Variants in WWOX observed in about 807,000 individuals in gnomAD.
WWOX encodes the protein WW domain containing oxidoreductase.
A neutral mutation model predicts 46.2 loss-of-function variants in WWOX; 69 were observed. The observed-to-expected ratio is 1.49, with a 90% CI of 1.23 to 1.82. WWOX has a LOEUF of 1.82. Ranked by LOEUF, WWOX falls within the 40% of genes most tolerant of loss-of-function variation. The pLI, the probability that WWOX is intolerant of heterozygous loss-of-function variation, is 0.00. For missense variants in WWOX, 919 were observed against 542.6 expected, an observed-to-expected ratio of 1.69 and a Z score of -6.89; for synonymous variants, 359 against 202.6, an observed-to-expected ratio of 1.77 and a Z score of -6.56.
Position 78,755,820 on chromosome 16 carries a change from C to T in WWOX, c.1056+323068C>T, listed in dbSNP as rs1352151396. Among the ~76,000 whole-genome samples the T allele has an allele frequency of 3.3e-5, 5 of 152,310 alleles. No individual in the cohort carries two copies. The East Asian group carries it at 9.7e-4, about 29-fold the overall frequency. ...CACTCTCACTTTCGCCATTTAATAG[C>T]TTTGGGTCTACAAGTAACCACCCCA... On this transcript the variant is annotated intron_variant, in intron 8 of 8. Transcript: ENST00000566780.
At position 78,432,693 on chromosome 16, in the gene WWOX, C is replaced by G; in HGVS notation, c.997C>G (p.Arg333Gly). The change falls in exon 8 of 9, where the codon CGC becomes GGC. Residue 333 changes from arginine to glycine, a missense_variant. Physicochemically the swap from Arg to Gly is moderately radical, Grantham distance 125. Coordinates refer to ENST00000566780, the MANE Select transcript of WWOX (RefSeq NM_016373.4). ...AAATATGATGTACTCCAACATTCATCGCAGCTGGTGGGTGTACACACTGCT... is the reference window on the plus strand; with the variant it reads ...AAATATGATGTACTCCAACATTCATGGCAGCTGGTGGGTGTACACACTGCT... ...PGNMMYSNIHRSWWVYTLLFT... is the reference protein window; with the variant it reads ...PGNMMYSNIHGSWWVYTLLFT... 1 of 1,614,196 alleles carries G rather than the reference C, an allele frequency of 6.2e-7. No individual in the cohort carries two copies.
chr16:78,151,859 G>A (rs1483926742), intron 4 of WWOX, among the ~76,000 whole-genome samples: 2 of 152,132 alleles, frequency 1.3e-5, no homozygotes, highest in African/African-American at 2.4e-5. Context: ...TGTGTCTTAC[G>A]TGCACGCTGT....
intron 8 of WWOX, among the ~76,000 whole-genome samples, chr16:78,945,253 G>C (rs554679792): frequency 6.6e-6 from 1 of 152,126 alleles, no homozygotes; most frequent in Non-Finnish European, 1.5e-5. Context: ...AATAACAGTG[G>C]CACCAGTTCT....
chr16:79,098,811 T>C (rs1284082041), intron 8 of WWOX, among the ~76,000 whole-genome samples: 1 of 152,228 alleles, frequency 6.6e-6, no homozygotes, highest in Non-Finnish European at 1.5e-5. Flanking sequence ...ATGTACATTC[T>C]CCTTTTTTTC....
chr16:78,174,957 C>A (rs1267152777), intron 5 of WWOX, among the ~76,000 whole-genome samples: 1 of 149,686 alleles, frequency 6.7e-6, no homozygotes, highest in Non-Finnish European at 1.5e-5. Context: ...CACTGCACTC[C>A]AATCTGGGTG....
intron 8 of WWOX, among the ~76,000 whole-genome samples, chr16:78,957,069 C>T (rs548493404): frequency 6.6e-6 from 1 of 152,088 alleles, no homozygotes; most frequent in Non-Finnish European, 1.5e-5. Context: ...CTATATCATC[C>T]TTTGTGTCTA....
intron 8 of WWOX, chr16:79,111,032 G>A (rs1481503094): frequency 2.0e-5 from 3 of 152,202 alleles, no homozygotes; most frequent in Non-Finnish European, 4.4e-5. Context: ...ATTTGTAGAT[G>A]TAATCGACCA....
chr16:78,495,853 A>T (rs1298668897), intron 8 of WWOX: 3 of 151,964 alleles, frequency 2.0e-5, no homozygotes, highest in Admixed American at 6.6e-5. Flanking sequence ...TGCTTGGTTT[A>T]TTTTTTTCAG....
chr16:78,288,989 A>G (rs1042778628), intron 5 of WWOX, among the ~76,000 whole-genome samples: 2 of 152,174 alleles, frequency 1.3e-5, no homozygotes, highest in Non-Finnish European at 2.9e-5. Flanking sequence ...ACTAACACGC[A>G]GTGGGAAGGT....
chr16:79,120,185 G>A (rs909980860), intron 8 of WWOX, among the ~76,000 whole-genome samples: 2 of 152,218 alleles, frequency 1.3e-5, no homozygotes, highest in African/African-American at 4.8e-5. Flanking sequence ...TGTGAGGCCA[G>A]GGGGCTCAGT....
At chr16:79,136,186 A>C (rs1340279387) in intron 8 of WWOX, among the ~76,000 whole-genome samples, 1 of 151,920 alleles carries the variant, frequency 6.6e-6, no homozygotes, top group African/African-American at 2.4e-5. Flanking sequence ...TCCAGGTGAG[A>C]GTCAGGAAAG....
At chr16:78,461,715 G>C (rs2083954651) in intron 8 of WWOX, among the ~76,000 whole-genome samples, 1 of 152,170 alleles carries the variant, frequency 6.6e-6, no homozygotes, top group African/African-American at 2.4e-5. Flanking sequence ...AAGTCGATTG[G>C]ACATGCCCTA....
At chr16:79,114,140 A>G (rs1023290020) in intron 8 of WWOX, among the ~76,000 whole-genome samples, 1 of 152,152 alleles carries the variant, frequency 6.6e-6, no homozygotes, top group Non-Finnish European at 1.5e-5. Context: ...TACAGAGTTC[A>G]TGCTTTTAAT....
chr16:79,055,458 C>T (rs925308879), intron 8 of WWOX, among the ~76,000 whole-genome samples: 1 of 152,082 alleles, frequency 6.6e-6, no homozygotes, highest in Non-Finnish European at 1.5e-5. Flanking sequence ...TTGAAGGAAG[C>T]CCAGCTAGCC....
At chr16:78,697,329 AT>A (rs1310273873) in intron 8 of WWOX, among the ~76,000 whole-genome samples, 2 of 152,144 alleles carry the variant, frequency 1.3e-5, no homozygotes, top group Non-Finnish European at 2.9e-5. Flanking sequence ...AATATCTATT[AT>A]TTTTTGCATT....
chr16:78,426,297 G>T (rs182037444), intron 7 of WWOX, among the ~76,000 whole-genome samples: 159 of 152,248 alleles, frequency 1.0e-3, no homozygotes, highest in Non-Finnish European at 1.4e-3. Context: ...AAATAAATCT[G>T]CCAGCCCCAG....
intron 4 of WWOX, among the ~76,000 whole-genome samples, chr16:78,129,357 A>G (rs9319519): frequency 0.65 from 98,147 of 151,988 alleles, 32,024 homozygotes; most frequent in African/African-American, 0.73. Flanking sequence ...TCCTGTTGCT[A>G]CTATAATGGA....
At chr16:78,930,254 C>CCTTCCTTCCTTCCTTCCTTG (rs2045592301) in intron 8 of WWOX, among the ~76,000 whole-genome samples, 1 of 126,172 alleles carries the variant, frequency 7.9e-6, no homozygotes, top group Non-Finnish European at 1.7e-5. Context: ...TTCCTTCCTT[C>CCTTCCTTCCTTCCTTCCTTG]CTTCCTTCCT....
intron 8 of WWOX, among the ~76,000 whole-genome samples, chr16:78,874,302 C>T (rs2044189638): frequency 6.6e-6 from 1 of 151,362 alleles, no homozygotes; most frequent in South Asian, 2.1e-4. Flanking sequence ...GAAAGGAGGC[C>T]CTGAGTTGGG....
Sources: gnomAD v4.1 joint callset for allele counts (sites outside exome capture counted in the v4.1 genomes callset) on GRCh38, gnomAD v4.1.1 for gene constraint, MANE v1.5 for transcripts, NCBI Gene and HGNC (gene_info 2026-07-23, HGNC 2026-07-21) for gene names.